The following CCDC171 variants were observed in gnomAD, a reference collection of about 807,000 sequenced individuals.
The protein encoded by CCDC171 is coiled-coil domain containing 171, also known as coiled-coil domain-containing protein 171.
Under a neutral mutation model 168.2 loss-of-function variants are expected in CCDC171, and 177 were observed. That is an observed-to-expected ratio of 1.05 (90% CI 0.93 to 1.19). The LOEUF is 1.19. Ranked by LOEUF, CCDC171 falls within the 50% of genes most tolerant of loss-of-function variation. The probability of loss-of-function intolerance (pLI) is 0.00; values close to 1 mark genes in which losing one functional copy is unlikely to be tolerated. For missense variants in CCDC171, 1,991 were observed against 1,539.0 expected (o/e 1.29, Z -4.91); for synonymous variants, 687 against 540.8 (o/e 1.27, Z -3.75).
intron 3 of CCDC171, among the ~76,000 whole-genome samples, chr9:16,006,478 C>T (rs963626700): frequency 2.6e-5 from 4 of 151,990 alleles, no homozygotes; most frequent in South Asian, 2.1e-4. Context: ...ATGTGCACAA[C>T]GTGCAGGTTT....
chr9:15,606,126 T>C (rs1289998675), intron 6 of CCDC171, among the ~76,000 whole-genome samples: 1 of 152,218 alleles, frequency 6.6e-6, no homozygotes, highest in African/African-American at 2.4e-5. Flanking sequence ...GTGAATGTGG[T>C]CTTTCTCCCA....
At position 15,604,747 on chromosome 9, in the gene CCDC171, C is replaced by T. The variant is rs540288801; in HGVS notation, c.675+10575C>T. On this transcript the variant is annotated intron_variant, in intron 6 of 25. Coordinates refer to ENST00000380701, the MANE Select transcript of CCDC171 (RefSeq NM_173550.4). ...GGATTGGGGTGCAACATATCAAAAG[C>T]TGACCCAGTAAGTATGATTGTGATG... Among the ~76,000 whole-genome samples the T allele has an allele frequency of 1.2e-4, 18 of 152,188 alleles. No homozygotes were observed. The East Asian group carries it at 3.5e-3, about 29-fold the overall frequency.
intron 21 of CCDC171, among the ~76,000 whole-genome samples, chr9:15,810,925 G>T (rs368489437): frequency 6.6e-6 from 1 of 152,262 alleles, no homozygotes; most frequent in African/African-American, 2.4e-5. Context: ...TGCTGAGAGC[G>T]AGCCAGGGCT....
intron 23 of CCDC171, among the ~76,000 whole-genome samples, chr9:15,860,153 AGTTTT>A (rs2061501009): frequency 7.1e-6 from 1 of 141,298 alleles, no homozygotes; most frequent in Non-Finnish European, 1.6e-5. Context: ...TTTTTTTTTT[AGTTTT>A]ATCTTTTTTG....
At chr9:16,016,341 C>A (rs1833015378) in intron 3 of CCDC171, among the ~76,000 whole-genome samples, 1 of 152,130 alleles carries the variant, frequency 6.6e-6, no homozygotes, top group South Asian at 2.1e-4. Context: ...GATTGCCTTC[C>A]CTCAGCCTCT....
chr9:16,105,797 A>G, the CCDC171 span, among the ~76,000 whole-genome samples: 1 of 152,224 alleles, frequency 6.6e-6, no homozygotes, highest in Non-Finnish European at 1.5e-5. Flanking sequence ...AGTCCTGTTT[A>G]TGTTGGCACC....
At chr9:15,615,466 C>G (rs991497629) in intron 6 of CCDC171, among the ~76,000 whole-genome samples, 1 of 152,136 alleles carries the variant, frequency 6.6e-6, no homozygotes, top group Non-Finnish European at 1.5e-5. Context: ...TACCAGACCT[C>G]TGCATTGAAA....
chr9:15,860,961 T>TGTGTGTGTGTGTGTGA (rs1472834545), intron 23 of CCDC171, among the ~76,000 whole-genome samples: 61 of 151,556 alleles, frequency 4.0e-4, no homozygotes, highest in African/African-American at 1.4e-3. Flanking sequence ...TGTGTGTGTG[T>TGTGTGTGTGTGTGTGA]GATAATTGTT....
At position 15,815,460 on chromosome 9, in the gene CCDC171, T is replaced by G. The variant is rs1265705585; in HGVS notation, c.3267+30766T>G. ...TTACAAAGAATATGTGTTTAAAAAT[T>G]TCAAATGGAGTAATCATTATACTAA... On this transcript the variant is annotated intron_variant, in intron 21 of 25. Coordinates refer to ENST00000380701, the MANE Select transcript of CCDC171 (RefSeq NM_173550.4). 7.1e-5 allele frequency among the ~76,000 whole-genome samples: 8 copies of G among 113,138 alleles called. 4 individuals are homozygous for G. Among genetic ancestry groups the G allele is most frequent in the Non-Finnish European group, 1.6e-4 (8 of 51,040 alleles). 74.2% of individuals were successfully genotyped at this position (113,138 alleles called of 152,430 possible).
chr9:16,084,123 C>T, the CCDC171 span, among the ~76,000 whole-genome samples: 2 of 152,182 alleles, frequency 1.3e-5, no homozygotes, highest in Non-Finnish European at 2.9e-5. Context: ...GAGCTATTAA[C>T]GTTTGAAATC....
intron 25 of CCDC171, among the ~76,000 whole-genome samples, chr9:15,923,488 A>T (rs1218826807): frequency 6.6e-6 from 1 of 151,298 alleles, no homozygotes; most frequent in Non-Finnish European, 1.5e-5. Flanking sequence ...TTACCAGAGG[A>T]TGGAGTGGAT....
chr9:15,981,876 C>G (rs1297897849), intron 3 of CCDC171, among the ~76,000 whole-genome samples: 2 of 152,096 alleles, frequency 1.3e-5, no homozygotes, highest in Non-Finnish European at 2.9e-5. Context: ...CTCCTCCCAG[C>G]CAGAAGGAAT....
intron 10 of CCDC171, among the ~76,000 whole-genome samples, chr9:15,692,328 G>C (rs1301536504): frequency 6.6e-6 from 1 of 150,488 alleles, no homozygotes; most frequent in African/African-American, 2.4e-5. Flanking sequence ...AGCCGAGATT[G>C]TTCTACAACC....
At chr9:15,914,117 G>T (rs1238813259) in intron 24 of CCDC171, among the ~76,000 whole-genome samples, 1 of 152,196 alleles carries the variant, frequency 6.6e-6, no homozygotes, top group African/African-American at 2.4e-5. Flanking sequence ...AGGATGCATG[G>T]GGGTCAGGGA....
At chr9:16,000,999 G>A (rs959685352) in intron 3 of CCDC171, among the ~76,000 whole-genome samples, 2 of 152,094 alleles carry the variant, frequency 1.3e-5, no homozygotes, top group Non-Finnish European at 2.9e-5. Flanking sequence ...ATGATGATTG[G>A]CTCATTCAGA....
chr9:15,659,735 AG>A (rs2048183606), intron 8 of CCDC171, among the ~76,000 whole-genome samples: 1 of 152,210 alleles, frequency 6.6e-6, no homozygotes, highest in South Asian at 2.1e-4. Context: ...TTTCATATCA[AG>A]TAGGATGGTG....
chr9:15,795,752 C>T (rs2058522071), intron 21 of CCDC171, among the ~76,000 whole-genome samples: 1 of 152,198 alleles, frequency 6.6e-6, no homozygotes, highest in South Asian at 2.1e-4. Flanking sequence ...CTAGCAGCTA[C>T]ATGAGAATTT....
intron 23 of CCDC171, among the ~76,000 whole-genome samples, chr9:15,871,591 C>G (rs79577859): frequency 1.3e-5 from 2 of 151,994 alleles, no homozygotes; most frequent in Non-Finnish European, 2.9e-5. Flanking sequence ...AGCTGTACTT[C>G]CTAAAGAAAT....
intron 23 of CCDC171, among the ~76,000 whole-genome samples, chr9:15,852,257 T>G (rs968764373): frequency 1.3e-5 from 2 of 151,866 alleles, no homozygotes; most frequent in African/African-American, 2.4e-5. Context: ...GTTTCAATTT[T>G]TGTTAATGGC....
Sources: allele counts gnomAD v4.1 joint callset (sites outside exome capture counted in the v4.1 genomes callset), GRCh38; gene constraint gnomAD v4.1.1; transcripts MANE v1.5; gene names NCBI Gene and HGNC (gene_info 2026-07-23, HGNC 2026-07-21).